SLC6A2: variants seen among roughly 807,000 people sequenced by gnomAD.
SLC6A2 encodes sodium-dependent noradrenaline transporter.
In SLC6A2, 26 loss-of-function variants were observed where a neutral mutation model predicts 71.7. The ratio of observed to expected loss-of-function variants is 0.36; its 90% confidence interval spans 0.27 to 0.50. SLC6A2 has a LOEUF of 0.50. Ranked by LOEUF, SLC6A2 falls within the 20% of genes least tolerant of loss-of-function variation. SLC6A2 has a pLI of 0.96. For synonymous variants in SLC6A2, 363 were observed against 337.9 expected (o/e 1.07, Z -0.82); for missense variants, 581 against 803.9 (o/e 0.72, Z 3.35).
chr16:55,678,244 C>A (rs760817774), intron 4 of SLC6A2, among the ~76,000 whole-genome samples: 1 of 152,018 alleles, frequency 6.6e-6, no homozygotes, highest in Non-Finnish European at 1.5e-5. Flanking sequence ...GCCGCCCTTG[C>A]CCTTTCTGGC....
intron 6 of SLC6A2, among the ~76,000 whole-genome samples, chr16:55,692,470 A>T (rs1965665141): frequency 6.6e-6 from 1 of 152,086 alleles, no homozygotes. Context: ...CAGCACAAGG[A>T]TAGTCTTAGC....
intron 2 of SLC6A2, among the ~76,000 whole-genome samples, chr16:55,665,765 G>T (rs1964732520): frequency 1.3e-5 from 2 of 152,144 alleles, no homozygotes; most frequent in South Asian, 4.1e-4. Flanking sequence ...AATGACCCCG[G>T]GCTTCCCTTC....
At chr16:55,683,657 G>C (rs11866404) in intron 4 of SLC6A2, among the ~76,000 whole-genome samples, 77,092 of 151,568 alleles carry the variant, frequency 0.51, 19,738 homozygotes, top group Middle Eastern at 0.54. Flanking sequence ...CAAAACAAAA[G>C]AAAAAAAACC....
intron 4 of SLC6A2, 61 bp from the exon 5 acceptor site, chr16:55,685,082 C>A: frequency 6.4e-7 from 1 of 1,557,794 alleles, no homozygotes; most frequent in Non-Finnish European, 8.8e-7. Flanking sequence ...TCTGTGGTCA[C>A]GGCCTCTGTC....
chr16:55,671,147 C>T (rs1361752997), intron 3 of SLC6A2, among the ~76,000 whole-genome samples: 3 of 152,084 alleles, frequency 2.0e-5, no homozygotes, highest in East Asian at 1.9e-4. Flanking sequence ...AGAGTTAGTG[C>T]GGGAAGTGAT....
intron 3 of SLC6A2, 154 bp from the exon 4 acceptor site, chr16:55,671,784 A>T: frequency 1.4e-6 from 2 of 1,449,786 alleles, no homozygotes; most frequent in South Asian, 1.4e-5. Flanking sequence ...CTTCCATGCG[A>T]CAGGTCACTG....
chr16:55,682,313 G>A (rs1023887397), intron 4 of SLC6A2, among the ~76,000 whole-genome samples: 98 of 152,140 alleles, frequency 6.4e-4, no homozygotes, highest in African/African-American at 2.2e-3. Context: ...GTGGTGCCCT[G>A]GGCAGTATGA....
rs1206122984 is a variant in SLC6A2, at chr16:55,700,357, A to G, written c.1758+51A>G. 6.7e-6 allele frequency: 10 copies of G among 1,500,644 alleles called. No homozygotes were observed. In the East Asian group the frequency reaches 1.8e-4, roughly 27 times the overall value. The allele number at this position is 1,500,644 out of a possible 1,614,324, so 93.0% of individuals were successfully genotyped here. A position where few individuals can be genotyped will look rare whatever the true frequency, so the allele number is the denominator to read the frequency against. On this transcript the variant is annotated intron_variant, in intron 13 of 14. Coordinates refer to ENST00000568943, the MANE Select transcript of SLC6A2 (RefSeq NM_001172501.3). ...ACAGGGTGGGAGGGGGCTGAGGGGGAAGACGGGACGACTCTCATTCCTGTT... is the reference window on the plus strand; with the variant it reads ...ACAGGGTGGGAGGGGGCTGAGGGGGGAGACGGGACGACTCTCATTCCTGTT...
At chr16:55,673,886 ATTC>A (rs1965000583) in intron 4 of SLC6A2, among the ~76,000 whole-genome samples, 1 of 152,176 alleles carries the variant, frequency 6.6e-6, no homozygotes, top group Non-Finnish European at 1.5e-5. Flanking sequence ...ATTAATTGGA[ATTC>A]TTCTTTAAGG....
intron 4 of SLC6A2, among the ~76,000 whole-genome samples, chr16:55,673,444 CTCA>C (rs1329144168): frequency 1.3e-5 from 2 of 152,182 alleles, no homozygotes; most frequent in Non-Finnish European, 2.9e-5. Context: ...TGTCTTGATT[CTCA>C]TCATACTTTT....
In SLC6A2 at chr16:55,704,046, G is replaced by A. The variant is rs1324715089; in HGVS notation, c.*1700G>A. On this transcript the variant is annotated 3_prime_UTR_variant, in exon 15 of 15. Transcript: ENST00000568943. ...CAGGTGTCTTGGAGCCCTGTGAACA[G>A]TGAGGCTTAAGAATGGAGAACAATC... The A allele has an allele frequency of 6.5e-6, 1 of 152,758 alleles. No homozygotes were observed. Among genetic ancestry groups the A allele is most frequent in the African/African-American group, 2.4e-5 (1 of 41,458 alleles). The allele number at this position is 152,758 out of a possible 1,614,324, so 9.5% of individuals were successfully genotyped here.
At chr16:55,700,052 C>T (rs768453654) in intron 12 of SLC6A2, 87 bp from the exon 13 acceptor site, 10 of 1,136,646 alleles carry the variant, frequency 8.8e-6, no homozygotes, top group Non-Finnish European at 1.2e-5. Flanking sequence ...ATTTCTCTCC[C>T]ACCTTTCTTC....
At chr16:55,681,984 G>A (rs1449973377) in intron 4 of SLC6A2, among the ~76,000 whole-genome samples, 12 of 152,308 alleles carry the variant, frequency 7.9e-5, no homozygotes, top group African/African-American at 2.9e-4. Flanking sequence ...TCCGCTCACT[G>A]CAATCTCCAT....
intron 3 of SLC6A2, 185 bp from the exon 4 acceptor site, chr16:55,671,753 C>CA (rs1964922230): frequency 4.4e-6 from 6 of 1,350,600 alleles, no homozygotes; most frequent in Non-Finnish European, 5.9e-6. Context: ...ACCCCCACCC[C>CA]AAAATCTGTG....
rs11299718 is a variant in SLC6A2, at chr16:55,664,084, AG to A, written c.275-5478del. On this transcript the variant is annotated intron_variant, in intron 2 of 14. Coordinates refer to ENST00000568943, the MANE Select transcript of SLC6A2 (RefSeq NM_001172501.3). The stretch of plus-strand genomic sequence containing the variant: ...ATCTCCATAGAAGGCCCAAGAGGAC[AG>A]GGTTCAGGAGCTTCAGGAGAGGCAA... Among the ~76,000 whole-genome samples, 392 of 152,306 alleles carry A rather than the reference AG, an allele frequency of 2.6e-3. 1 individual carries two copies. Among genetic ancestry groups the A allele is most frequent in the African/African-American group, 8.8e-3 (365 of 41,570 alleles).
intron 4 of SLC6A2, among the ~76,000 whole-genome samples, chr16:55,681,784 G>T (rs1384423122): frequency 6.6e-6 from 1 of 152,236 alleles, no homozygotes; most frequent in Non-Finnish European, 1.5e-5. Flanking sequence ...ACAGACAATT[G>T]ATCTTATCCC....
Position 55,700,215 on chromosome 16 carries a change from G to C in SLC6A2, c.1667G>C (p.Trp556Ser). The change falls in exon 13 of 15, where the codon TGG becomes TCG. Residue 556 changes from tryptophan (W) to serine (S), a missense_variant. Physicochemically the swap from Trp to Ser is radical, Grantham distance 177 (BLOSUM62 -3). Coordinates refer to ENST00000568943, the MANE Select transcript of SLC6A2 (RefSeq NM_001172501.3). ...TACATCTTCCCGCCCTGGGCCAACTGGGTGGGGTGGGGCATCGCCCTGTCC... is the reference window on the plus strand; with the variant it reads ...TACATCTTCCCGCCCTGGGCCAACTCGGTGGGGTGGGGCATCGCCCTGTCC... Reference protein sequence around the residue: ...DDYIFPPWANWVGWGIALSSM... With the variant: ...DDYIFPPWANSVGWGIALSSM... 2 of 1,614,068 alleles carry C rather than the reference G, an allele frequency of 1.2e-6. No homozygotes were observed. Among genetic ancestry groups the C allele is most frequent in the Non-Finnish European group, 1.7e-6 (2 of 1,179,954 alleles).
intron 4 of SLC6A2, among the ~76,000 whole-genome samples, chr16:55,676,256 AACCTGTCTTCCTC>A (rs1262214318): frequency 6.6e-6 from 1 of 152,192 alleles, no homozygotes; most frequent in Non-Finnish European, 1.5e-5. Context: ...TGCTGTAAGA[AACCTGTCTTCCTC>A]ACCATCACAT....
At chr16:55,668,390 C>T (rs2142505838) in intron 2 of SLC6A2, among the ~76,000 whole-genome samples, 1 of 152,322 alleles carries the variant, frequency 6.6e-6, no homozygotes, top group Non-Finnish European at 1.5e-5. Context: ...GTGTGAGCTG[C>T]TGGTATCCAT....
Sources: allele counts gnomAD v4.1 joint callset (sites outside exome capture counted in the v4.1 genomes callset), GRCh38; gene constraint gnomAD v4.1.1; transcripts MANE v1.5; gene names NCBI Gene and HGNC (gene_info 2026-07-23, HGNC 2026-07-21).